Variants in SMIM20 observed in about 807,000 individuals in gnomAD.
SMIM20 encodes mitochondrial translation regulation assembly intermediate of cytochrome c oxidase protein of 7 kDa.
A neutral mutation model predicts 8.7 loss-of-function variants in SMIM20; 3 were observed. The ratio of observed to expected loss-of-function variants is 0.34; its 90% CI spans 0.16 to 0.89. The LOEUF (loss-of-function observed/expected upper bound fraction) is 0.89. Ranked by LOEUF, SMIM20 falls within the 40% of genes least tolerant of loss-of-function variation. The pLI, the probability that SMIM20 is intolerant of heterozygous loss-of-function variation, is 0.49. For missense variants in SMIM20, 85 were observed against 84.8 expected (o/e 1.00, Z -0.01); for synonymous variants, 44 against 33.6 (o/e 1.31, Z -1.07).
intron 1 of SMIM20, among the ~76,000 whole-genome samples, chr4:25,927,112 C>T (rs2109366298): frequency 6.6e-6 from 1 of 152,300 alleles, no homozygotes; most frequent in East Asian, 1.9e-4. Context: ...TCTTGGTTGC[C>T]ATTCATCCGC....
At chr4:25,921,148 G>A (rs1239794871) in intron 1 of SMIM20, among the ~76,000 whole-genome samples, 1 of 152,212 alleles carries the variant, frequency 6.6e-6, no homozygotes, top group African/African-American at 2.4e-5. Context: ...AGGAAGGCCA[G>A]GTACGGGAAG....
intron 2 of SMIM20, 140 bp from the exon 3 acceptor site, chr4:25,929,014 C>T (rs935923399): frequency 6.1e-6 from 6 of 981,780 alleles, no homozygotes; most frequent in East Asian, 5.7e-5. Flanking sequence ...GCCAAGGTTC[C>T]GGCAGCCTGC....
At chr4:25,928,408 G>T in intron 2 of SMIM20, 39 bp downstream of exon 2, 1 of 1,540,266 alleles carries the variant, frequency 6.5e-7, no homozygotes, top group Non-Finnish European at 8.8e-7. Flanking sequence ...AATCTTATTT[G>T]TACTACTGTG....
chr4:25,915,538 T>C (rs1719068177), intron 1 of SMIM20, among the ~76,000 whole-genome samples: 1 of 152,200 alleles, frequency 6.6e-6, no homozygotes, highest in Admixed American at 6.5e-5. Flanking sequence ...TCAGATTTCC[T>C]TGTAGCTTCT....
intron 1 of SMIM20, among the ~76,000 whole-genome samples, chr4:25,927,354 T>TATTCATTGAA (rs1455865527): frequency 2.6e-5 from 4 of 152,196 alleles, no homozygotes; most frequent in Non-Finnish European, 5.9e-5. Context: ...TCAATGAATA[T>TATTCATTGAA]TAGATTTGGC....
chr4:25,920,406 ATAAT>A (rs1377349730), intron 1 of SMIM20, among the ~76,000 whole-genome samples: 1 of 152,202 alleles, frequency 6.6e-6, no homozygotes, highest in Non-Finnish European at 1.5e-5. Flanking sequence ...AAAAATAATA[ATAAT>A]TTTAAAATAG....
At chr4:25,928,162 C>T (rs746967457) in intron 1 of SMIM20, 151 bp from the exon 2 acceptor site, 37 of 659,948 alleles carry the variant, frequency 5.6e-5, no homozygotes, top group Non-Finnish European at 8.5e-5. Context: ...ACTTCCACAA[C>T]CTAAAAGCTT....
At chr4:25,924,599 C>G (rs1462561760) in intron 1 of SMIM20, among the ~76,000 whole-genome samples, 2 of 152,154 alleles carry the variant, frequency 1.3e-5, no homozygotes, top group East Asian at 3.8e-4. Context: ...TGCTTTCTCC[C>G]CCTATATATA....
chr4:25,926,512 T>A (rs1479498468), intron 1 of SMIM20, among the ~76,000 whole-genome samples: 1 of 152,250 alleles, frequency 6.6e-6, no homozygotes, highest in African/African-American at 2.4e-5. Context: ...TTAAAATAAA[T>A]CTTCAGCCTT....
intron 1 of SMIM20, among the ~76,000 whole-genome samples, chr4:25,916,413 TG>T (rs1560386233): frequency 2.6e-5 from 4 of 152,150 alleles, no homozygotes; most frequent in Non-Finnish European, 4.4e-5. Flanking sequence ...GGTTTCACCA[TG>T]TTGGCCAGGC....
chr4:25,928,069 G>A (rs759135639), intron 1 of SMIM20: 1 of 355,350 alleles, frequency 2.8e-6, no homozygotes, highest in Non-Finnish European at 5.0e-6. Context: ...GAGAAGAGAT[G>A]TTAGTTGGGG....
rs1461085501 is a variant in SMIM20 at position 25,927,387 on chromosome 4, T to TA, written c.110-925dup. Among the ~76,000 whole-genome samples the TA allele has an allele frequency of 4.6e-5, 7 of 152,354 alleles. No individual in the cohort carries two copies. In the East Asian group the frequency reaches 1.2e-3, roughly 25 times the overall value. On this transcript the variant is annotated intron_variant, in intron 1 of 2. Transcript: ENST00000506197. ...GGCCAAACCCTGTTTCTTGTACCGT[T>TA]ACGTTTGTGTAACTTTATGAGAATC... is the stretch of plus-strand genomic sequence containing the variant.
intron 1 of SMIM20, among the ~76,000 whole-genome samples, chr4:25,918,889 CTTTTTTTTT>C (rs775952783): frequency 2.2e-5 from 2 of 91,694 alleles, no homozygotes; most frequent in South Asian, 4.1e-4. Context: ...ATGTGAATAT[CTTTTTTTTT>C]TTTTTTTTTT....
In SMIM20 at chr4:25,929,448, T is replaced by TCTCA; in HGVS notation, c.*259_*262dup. On this transcript the variant is annotated 3_prime_UTR_variant, in exon 3 of 3. Coordinates refer to ENST00000506197, the MANE Select transcript of SMIM20 (RefSeq NM_001145432.3). ...AGTTGATTTTCCAAAAATGAAGCTA[T>TCTCA]CTCACCCAGCTGGGTTTGGAGGAGC... 2.3e-6 allele frequency: 1 copy of TCTCA among 443,080 alleles called. No homozygotes were observed. Among genetic ancestry groups the TCTCA allele is most frequent in the Non-Finnish European group, 4.0e-6 (1 of 250,782 alleles). The allele number at this position is 443,080 out of a possible 1,614,324, so 27.4% of individuals were successfully genotyped here. A position where few individuals can be genotyped will look rare whatever the true frequency, so the allele number is the denominator to read the frequency against.
chr4:25,928,938 A>G (rs542011975), intron 2 of SMIM20, among the ~76,000 whole-genome samples: 1 of 152,246 alleles, frequency 6.6e-6, no homozygotes, highest in East Asian at 1.9e-4. Flanking sequence ...TCTTCCTGCT[A>G]TGGGGTACAA....
intron 1 of SMIM20, among the ~76,000 whole-genome samples, chr4:25,924,106 C>G (rs570072704): frequency 1.3e-5 from 2 of 152,328 alleles, no homozygotes; most frequent in South Asian, 2.1e-4. Context: ...TATGGCTTCC[C>G]CTTGGCCCCT....
At chr4:25,917,647 T>G (rs1252960209) in intron 1 of SMIM20, among the ~76,000 whole-genome samples, 1 of 152,228 alleles carries the variant, frequency 6.6e-6, no homozygotes, top group African/African-American at 2.4e-5. Context: ...GGCACTGTGC[T>G]GGGTGTGGAC....
At chr4:25,918,307 A>C (rs769163141) in intron 1 of SMIM20, among the ~76,000 whole-genome samples, 15 of 152,088 alleles carry the variant, frequency 9.9e-5, no homozygotes, top group Non-Finnish European at 1.9e-4. Flanking sequence ...TTGGGTACAG[A>C]GTTCTGTATC....
intron 1 of SMIM20, among the ~76,000 whole-genome samples, chr4:25,922,999 A>G (rs1250400995): frequency 6.6e-6 from 1 of 152,230 alleles, no homozygotes; most frequent in East Asian, 1.9e-4. Flanking sequence ...GGCGTTCAGC[A>G]TGATCTTCAG....
Sources: gnomAD v4.1 joint callset for allele counts (sites outside exome capture counted in the v4.1 genomes callset) on GRCh38, gnomAD v4.1.1 for gene constraint, MANE v1.5 for transcripts, NCBI Gene and HGNC (gene_info 2026-07-23, HGNC 2026-07-21) for gene names.